Variants in SDSL observed in about 807,000 individuals in gnomAD.
The protein encoded by SDSL is serine dehydratase like.
SDSL carries 26 observed loss-of-function variants against 27.6 expected under a neutral mutation model. The ratio of observed to expected loss-of-function variants is 0.94; its 90% CI spans 0.69 to 1.31. SDSL has a LOEUF of 1.31. SDSL is among the 50% of genes most tolerant of loss of function. The pLI is 0.00. For missense variants in SDSL, 431 were observed against 423.5 expected, an observed-to-expected ratio of 1.02 and a Z score of -0.16; for synonymous variants, 196 against 180.6, an observed-to-expected ratio of 1.09 and a Z score of -0.69.
intron 2 of SDSL, 84 bp downstream of exon 2, chr12:113,428,240 G>A (rs1300950488): frequency 7.1e-6 from 10 of 1,406,560 alleles, no homozygotes; most frequent in African/African-American, 2.8e-5. Flanking sequence ...GGACGGGTTC[G>A]GGCAGGAGGG....
chr12:113,430,316 C>T lies in SDSL; in HGVS notation c.354+1017C>T, dbSNP rs144172542. Among the ~76,000 whole-genome samples the T allele has an allele frequency of 6.8e-3, 1,031 of 152,314 alleles. 14 individuals are homozygous for T. Among genetic ancestry groups the T allele is most frequent in the South Asian group, 0.048 (234 of 4,826 alleles). ...TAACAAAGTGTGAAAAGTGTTGCCA[C>T]GGGGGAAGCACAGGGCACCAAGGAA... On this transcript the variant is annotated intron_variant, in intron 4 of 7. Transcript: ENST00000403593.
chr12:113,430,878 G>A (rs867735035), intron 4 of SDSL, among the ~76,000 whole-genome samples: 22 of 152,196 alleles, frequency 1.4e-4, no homozygotes, highest in African/African-American at 5.3e-4. Flanking sequence ...GGCCAGCCTG[G>A]GCAACATAGT....
chr12:113,435,950 C>A (rs1957985906), intron 6 of SDSL, among the ~76,000 whole-genome samples: 1 of 152,126 alleles, frequency 6.6e-6, no homozygotes, highest in Admixed American at 6.5e-5. Flanking sequence ...GAAACCCTGT[C>A]TCTACTAAAA....
intron 2 of SDSL, 60 bp from the exon 3 acceptor site, chr12:113,428,360 A>C: frequency 1.3e-6 from 2 of 1,549,246 alleles, no homozygotes; most frequent in Non-Finnish European, 1.8e-6. Flanking sequence ...ACGCCATTCC[A>C]CATAGGCCTT....
chr12:113,434,308 CTG>C (rs1565879896), intron 5 of SDSL, 86 bp downstream of exon 5: 3 of 1,054,456 alleles, frequency 2.8e-6, no homozygotes, highest in Non-Finnish European at 4.1e-6. Flanking sequence ...GAAGGAGAAA[CTG>C]AGGCCCAGAG....
intron 1 of SDSL, chr12:113,425,870 T>G (rs778461452): frequency 2.6e-6 from 1 of 382,426 alleles, no homozygotes; most frequent in African/African-American, 2.1e-5. Flanking sequence ...GTGCCTGTGG[T>G]CCCAGTTACT....
intron 1 of SDSL, 99 bp downstream of exon 1, chr12:113,422,576 G>A (rs977842788): frequency 6.6e-6 from 1 of 152,578 alleles, no homozygotes; most frequent in African/African-American, 2.4e-5. Flanking sequence ...TTTGGGCAAA[G>A]TCCAAGCTGA....
chr12:113,429,672 A>C (rs1261444059), intron 4 of SDSL, among the ~76,000 whole-genome samples: 1 of 152,190 alleles, frequency 6.6e-6, no homozygotes, highest in Non-Finnish European at 1.5e-5. Flanking sequence ...TCTCATTCTG[A>C]GACCACCCCA....
In SDSL at chr12:113,427,966, T is replaced by C; in HGVS notation, c.-17T>C. 1 of 1,603,402 alleles carries C rather than the reference T, an allele frequency of 6.2e-7. No individual in the cohort carries two copies. The highest frequency in any genetic ancestry group is 2.2e-5 in the East Asian group (1 of 44,534). The stretch of plus-strand genomic sequence containing the variant: ...TGACTTTGTGTCCTCCTGCAGGCTG[T>C]CTACCTGGTCTCCAGAATGGACGGC... On this transcript the variant is annotated 5_prime_UTR_variant, in exon 2 of 8. Transcript: ENST00000403593.
At chr12:113,432,342 C>T (rs77966419) in intron 4 of SDSL, among the ~76,000 whole-genome samples, 7 of 150,828 alleles carry the variant, frequency 4.6e-5, no homozygotes, top group Admixed American at 1.3e-4. Context: ...GTCTCTGTCT[C>T]TCTCTTTCTT....
intron 4 of SDSL, among the ~76,000 whole-genome samples, chr12:113,430,596 C>A (rs112897302): frequency 6.6e-6 from 1 of 152,070 alleles, no homozygotes; most frequent in Non-Finnish European, 1.5e-5. Flanking sequence ...TGAGAAGAAA[C>A]GCATGACGGC....
Position 113,434,811 on chromosome 12 carries a change from A to C in SDSL, c.444-518A>C, listed in dbSNP as rs1474606522. Among the ~76,000 whole-genome samples, 3 of 152,238 alleles carry C rather than the reference A, an allele frequency of 2.0e-5. No homozygotes were observed. In the East Asian group the frequency reaches 5.8e-4, roughly 29 times the overall value. ...GATGGGAAGGGATGAGCAAACAAAT[A>C]CATAATAAAGAAAATGAATGAGGCC... On this transcript the variant is annotated intron_variant, in intron 5 of 7. Coordinates refer to ENST00000403593, the MANE Select transcript of SDSL (RefSeq NM_001304993.2).
At chr12:113,437,810 C>A in intron 7 of SDSL, 76 bp from the exon 8 acceptor site, 1 of 1,327,348 alleles carries the variant, frequency 7.5e-7, no homozygotes, top group Non-Finnish European at 1.0e-6. Flanking sequence ...CAAGGATCTG[C>A]CGTGCCCAGG....
chr12:113,436,014 G>A (rs1048397834), intron 6 of SDSL, among the ~76,000 whole-genome samples: 1 of 152,146 alleles, frequency 6.6e-6, no homozygotes, highest in Non-Finnish European at 1.5e-5. Flanking sequence ...CTAGCTACTT[G>A]GGAGGCTGAA....
chr12:113,429,760 T>G (rs915060874), intron 4 of SDSL, among the ~76,000 whole-genome samples: 3 of 152,214 alleles, frequency 2.0e-5, no homozygotes, highest in South Asian at 4.2e-4. Context: ...ATACAAAATC[T>G]GTCTTTCCTT....
At chr12:113,429,641 C>G (rs549841877) in intron 4 of SDSL, among the ~76,000 whole-genome samples, 11 of 152,242 alleles carry the variant, frequency 7.2e-5, no homozygotes, top group African/African-American at 2.6e-4. Context: ...CAAGAAGTAT[C>G]AAGATGATGG....
At chr12:113,425,595 T>G (rs1957837682) in intron 1 of SDSL, 15 of 452,760 alleles carry the variant, frequency 3.3e-5, no homozygotes, top group South Asian at 2.2e-4. Context: ...CTGGCTGTAT[T>G]TTTTCCTTTT....
intron 3 of SDSL, 118 bp from the exon 4 acceptor site, chr12:113,429,042 T>G: frequency 8.3e-7 from 1 of 1,203,160 alleles, no homozygotes; most frequent in Non-Finnish European, 1.2e-6. Flanking sequence ...GAGGAAGGAG[T>G]CAATGGGGCA....
intron 1 of SDSL, 137 bp from the exon 2 acceptor site, chr12:113,427,825 G>A: frequency 1.4e-6 from 1 of 713,310 alleles, no homozygotes; most frequent in Non-Finnish European, 2.3e-6. Context: ...GATACTTGAT[G>A]GGGGTCTCAC....
Sources: gnomAD v4.1 joint callset for allele counts (sites outside exome capture counted in the v4.1 genomes callset) on GRCh38, gnomAD v4.1.1 for gene constraint, MANE v1.5 for transcripts, NCBI Gene and HGNC (gene_info 2026-07-23, HGNC 2026-07-21) for gene names.